The following KCNN2 variants were observed in gnomAD, a reference collection of about 807,000 sequenced individuals.
KCNN2 encodes the protein small conductance calcium-activated potassium channel protein 2.
Under a neutral mutation model 55.5 loss-of-function variants are expected in KCNN2, and 24 were observed. The ratio of observed to expected loss-of-function variants is 0.43; its 90% CI spans 0.31 to 0.61. The LOEUF is 0.61. Ranked by LOEUF, KCNN2 falls within the 20% of genes least tolerant of loss-of-function variation. The probability of loss-of-function intolerance (pLI) is 0.08; values close to 1 mark genes in which losing one functional copy is unlikely to be tolerated. For synonymous variants in KCNN2, 431 were observed against 336.1 expected (o/e 1.28, Z -3.09); for missense variants, 754 against 853.6 (o/e 0.88, Z 1.45).
intron 2 of KCNN2, among the ~76,000 whole-genome samples, chr5:114,394,306 G>C (rs1758550177): frequency 6.6e-6 from 1 of 152,088 alleles, no homozygotes; most frequent in South Asian, 2.1e-4. Context: ...CCTAAGGCTT[G>C]TATCCTGCAT....
chr5:114,323,014 A>C (rs1756643028), intron 2 of KCNN2, among the ~76,000 whole-genome samples: 1 of 152,160 alleles, frequency 6.6e-6, no homozygotes, highest in Non-Finnish European at 1.5e-5. Context: ...TGTGTTCATA[A>C]GTGCTTATCA....
At chr5:114,460,964 A>G (rs1207074197) in intron 3 of KCNN2, among the ~76,000 whole-genome samples, 1 of 152,226 alleles carries the variant, frequency 6.6e-6, no homozygotes, top group Non-Finnish European at 1.5e-5. Context: ...ACGATAGGGT[A>G]ATGTATTTCC....
chr5:114,304,454 T>C (rs962868602), intron 2 of KCNN2, among the ~76,000 whole-genome samples: 2 of 152,202 alleles, frequency 1.3e-5, no homozygotes, highest in Non-Finnish European at 1.5e-5. Context: ...ATTTGGCGAA[T>C]CTTATAATAT....
At chr5:114,127,459 CTT>C (rs1329072920) in intron 1 of KCNN2, among the ~76,000 whole-genome samples, 1 of 152,204 alleles carries the variant, frequency 6.6e-6, no homozygotes, top group Non-Finnish European at 1.5e-5. Context: ...ACCTTGGCGT[CTT>C]TTAGCCACAG....
At chr5:114,243,436 C>T (rs1754683392) in intron 2 of KCNN2, among the ~76,000 whole-genome samples, 1 of 151,962 alleles carries the variant, frequency 6.6e-6, no homozygotes, top group Non-Finnish European at 1.5e-5. Context: ...GATGAAATCT[C>T]GCAGTGTCTG....
At chr5:114,334,343 T>C (rs1471579433) in intron 2 of KCNN2, among the ~76,000 whole-genome samples, 1 of 151,638 alleles carries the variant, frequency 6.6e-6, no homozygotes, top group Admixed American at 6.6e-5. Flanking sequence ...TGTGTAACTC[T>C]TGGTAGGTTA....
chr5:114,491,509 C>CT (rs11295961), intron 6 of KCNN2, among the ~76,000 whole-genome samples: 8 of 109,672 alleles, frequency 7.3e-5, no homozygotes, highest in African/African-American at 2.4e-4. Flanking sequence ...TCTGCTTTTT[C>CT]TTTTTTTTTT....
At chr5:114,424,133 A>T (rs911959376) in intron 3 of KCNN2, among the ~76,000 whole-genome samples, 2 of 152,232 alleles carry the variant, frequency 1.3e-5, no homozygotes, top group Non-Finnish European at 2.9e-5. Flanking sequence ...TATTACATTG[A>T]CATTTTTCTT....
At chr5:114,077,794 TGTCCC>T (rs954096145) in intron 1 of KCNN2, among the ~76,000 whole-genome samples, 1 of 152,186 alleles carries the variant, frequency 6.6e-6, no homozygotes, top group Non-Finnish European at 1.5e-5. Context: ...AACATTTCTC[TGTCCC>T]GTCTAGGGGA....
intron 1 of KCNN2, among the ~76,000 whole-genome samples, chr5:114,210,374 G>A (rs1408942009): frequency 6.6e-6 from 1 of 152,126 alleles, no homozygotes; most frequent in Non-Finnish European, 1.5e-5. Context: ...TGCAACTGGA[G>A]GCTGGTAGGA....
intron 2 of KCNN2, among the ~76,000 whole-genome samples, chr5:114,378,577 G>A (rs546577427): frequency 6.6e-6 from 1 of 152,312 alleles, no homozygotes; most frequent in South Asian, 2.1e-4. Context: ...CCCTGGGATT[G>A]ATGTGGAATT....
intron 2 of KCNN2, among the ~76,000 whole-genome samples, chr5:114,302,422 G>A (rs772131860): frequency 2.6e-5 from 4 of 151,880 alleles, no homozygotes; most frequent in African/African-American, 7.3e-5. Context: ...AAAGGCACAA[G>A]GTATCTAATC....
At chr5:114,492,232 G>A (rs184798720) in intron 6 of KCNN2, among the ~76,000 whole-genome samples, 12 of 152,156 alleles carry the variant, frequency 7.9e-5, no homozygotes, top group Admixed American at 4.6e-4. Flanking sequence ...CATTATGAAC[G>A]TATTACAAAA....
intron 3 of KCNN2, among the ~76,000 whole-genome samples, chr5:114,443,243 A>C (rs1760284232): frequency 1.3e-5 from 2 of 151,992 alleles, no homozygotes; most frequent in South Asian, 4.1e-4. Context: ...GTGAGCCGAG[A>C]TCATGCCACT....
chr5:114,482,510 G>A (rs546905290), intron 5 of KCNN2, among the ~76,000 whole-genome samples: 13 of 152,246 alleles, frequency 8.5e-5, no homozygotes, highest in Non-Finnish European at 1.8e-4. Flanking sequence ...ATTTGACCCA[G>A]CAATCTCATT....
chr5:114,295,421 G>A (rs2150019930), intron 2 of KCNN2, among the ~76,000 whole-genome samples: 1 of 152,238 alleles, frequency 6.6e-6, no homozygotes, highest in Non-Finnish European at 1.5e-5. Context: ...CCCTCCCCCA[G>A]CCTCGCTGCC....
chr5:114,446,406 C>G lies in KCNN2; in HGVS notation c.1638-16643C>G, dbSNP rs79141645. Among the ~76,000 whole-genome samples the G allele has an allele frequency of 5.7e-3, 869 of 152,290 alleles. 13 individuals carry two copies. The highest frequency in any genetic ancestry group is 0.02 in the African/African-American group (827 of 41,576). ...GTTCTGTGGATCTCACAACTTGGCT[C>G]TCTGGTCCTTGCTGTCCAACATGGC... On this transcript the variant is annotated intron_variant, in intron 3 of 7. Coordinates refer to ENST00000673685, the MANE Select transcript of KCNN2 (RefSeq NM_021614.4).
At chr5:114,288,499 TACAC>T (rs1203371494) in intron 2 of KCNN2, among the ~76,000 whole-genome samples, 161 of 139,610 alleles carry the variant, frequency 1.2e-3, no homozygotes, top group African/African-American at 4.1e-3. Context: ...TATATATATA[TACAC>T]ACACACACAC....
At chr5:114,417,326 A>G (rs543915844) in intron 3 of KCNN2, among the ~76,000 whole-genome samples, 15 of 152,270 alleles carry the variant, frequency 9.9e-5, no homozygotes, top group African/African-American at 3.6e-4. Flanking sequence ...TGTTGTTATG[A>G]TAATCTGCCT....
Sources: gnomAD v4.1 joint callset for allele counts (sites outside exome capture counted in the v4.1 genomes callset) on GRCh38, gnomAD v4.1.1 for gene constraint, MANE v1.5 for transcripts, NCBI Gene and HGNC (gene_info 2026-07-23, HGNC 2026-07-21) for gene names.